The following FAM200B variants were observed in gnomAD, a reference collection of about 807,000 sequenced individuals.
FAM200B encodes protein FAM200B.
In FAM200B, 32 loss-of-function variants were observed where a neutral mutation model predicts 33.1. That is an observed-to-expected ratio of 0.97 (90% CI 0.73 to 1.30). FAM200B has a LOEUF of 1.30. Among genes scored for constraint, FAM200B ranks in the 50% most tolerant of loss-of-function variants. The pLI is 0.00. For synonymous variants in FAM200B, 240 were observed against 264.8 expected (o/e 0.91, Z 0.91); for missense variants, 741 against 754.0 (o/e 0.98, Z 0.20).
upstream of FAM200B, among the ~76,000 whole-genome samples, chr4:15,680,968 TATAA>T (rs1334534326): frequency 2.1e-5 from 3 of 146,062 alleles, no homozygotes; most frequent in Non-Finnish European, 3.0e-5. Context: ...CACATATATA[TATAA>T]ATATATATCT....
At chr4:15,658,405 A>T in the FAM200B span, among the ~76,000 whole-genome samples, 2 of 152,216 alleles carry the variant, frequency 1.3e-5, no homozygotes. Flanking sequence ...AATCCCCAAT[A>T]AGGCAGTATT....
chr4:15,657,354 G>A, the FAM200B span, among the ~76,000 whole-genome samples: 1 of 152,220 alleles, frequency 6.6e-6, no homozygotes, highest in African/African-American at 2.4e-5. Context: ...AAAAAAGAAT[G>A]AGGGTAGTTC....
At chr4:15,649,705 A>G in the FAM200B span, among the ~76,000 whole-genome samples, 115 of 152,082 alleles carry the variant, frequency 7.6e-4, no homozygotes, top group African/African-American at 2.4e-3. Context: ...CTTTATGGAG[A>G]AAAAAAACCT....
the FAM200B span, among the ~76,000 whole-genome samples, chr4:15,639,700 T>C: frequency 1.4e-4 from 21 of 152,358 alleles, no homozygotes; most frequent in Admixed American, 2.6e-4. Context: ...ACTGGCTGTA[T>C]ATTACAATGA....
the FAM200B span, among the ~76,000 whole-genome samples, chr4:15,663,574 A>C: frequency 7.5e-4 from 114 of 152,310 alleles, no homozygotes; most frequent in Admixed American, 2.0e-3. Flanking sequence ...TAAGCCACAA[A>C]ACTGTTCACT....
the FAM200B span, chr4:15,644,441 A>G: frequency 9.0e-6 from 13 of 1,449,532 alleles, no homozygotes; most frequent in East Asian, 1.1e-4. Flanking sequence ...CCAATGATAT[A>G]CCAGAAGATG....
the FAM200B span, among the ~76,000 whole-genome samples, chr4:15,654,982 C>T: frequency 6.6e-6 from 1 of 151,792 alleles, no homozygotes; most frequent in South Asian, 2.1e-4. Context: ...GCCGCCCGCC[C>T]CGAGAGCACG....
At chr4:15,651,915 G>A in the FAM200B span, among the ~76,000 whole-genome samples, 1 of 152,246 alleles carries the variant, frequency 6.6e-6, no homozygotes, top group East Asian at 1.9e-4. Context: ...GACCACTCCT[G>A]ACACTTTAAT....
the FAM200B span, among the ~76,000 whole-genome samples, chr4:15,660,431 A>T: frequency 6.6e-6 from 1 of 152,172 alleles, no homozygotes; most frequent in Non-Finnish European, 1.5e-5. Flanking sequence ...ATCCCCAATT[A>T]CACAAGACAC....
At chr4:15,654,277 C>T in the FAM200B span, among the ~76,000 whole-genome samples, 1 of 152,176 alleles carries the variant, frequency 6.6e-6, no homozygotes, top group Non-Finnish European at 1.5e-5. Context: ...CCACAAGAAA[C>T]GGGACTGCCT....
rs1718900484 is a variant in FAM200B, at chr4:15,686,912, TTTC to T, written c.-60_-58del. ...AGATGTTATTTAGACTGTATATTTT[TTTC>T]TTCTTTTTTGAGTTAGTGCCAATTA... On this transcript the variant is annotated 5_prime_UTR_variant, in exon 2 of 2. Transcript: ENST00000422728. The T allele has an allele frequency of 2.5e-5, 20 of 811,250 alleles. No individual in the cohort carries two copies. The highest frequency in any genetic ancestry group is 3.5e-4 in the Middle Eastern group (1 of 2,820). The allele number at this position is 811,250 out of a possible 1,614,324, so 50.3% of individuals were successfully genotyped here.
the FAM200B span, among the ~76,000 whole-genome samples, chr4:15,640,407 AAAAC>A: frequency 1.3e-5 from 2 of 151,628 alleles, no homozygotes; most frequent in African/African-American, 4.8e-5. Flanking sequence ...AAAAAAAAAA[AAAAC>A]ATGAAAAAAT....
the FAM200B span, among the ~76,000 whole-genome samples, chr4:15,641,964 GT>G: frequency 6.6e-6 from 1 of 151,850 alleles, no homozygotes; most frequent in African/African-American, 2.4e-5. Context: ...GAAGAAGGAG[GT>G]TGCGGTGAGC....
In FAM200B at chr4:15,687,982, C is replaced by T. The variant is rs1719045161; in HGVS notation, c.1005C>T (p.Ser335=). Residue 335 remains serine, a synonymous_variant, in exon 2 of 2, where the codon TCC becomes TCT. Transcript: ENST00000422728. Reference sequence around the variant, plus strand: ...TTATACATCGTGAAGGTTTAGCATCCAGAGAAATTCCACAGAATCTCATGG... The same window carrying T: ...TTATACATCGTGAAGGTTTAGCATCTAGAGAAATTCCACAGAATCTCATGG... ...HCFIHREGLA[S]REIPQNLMEV... The T allele has an allele frequency of 5.8e-6, 9 of 1,551,088 alleles. No homozygotes were observed. The highest frequency in any genetic ancestry group is 7.8e-6 in the Non-Finnish European group (9 of 1,146,606).
At chr4:15,652,266 CAAA>C in the FAM200B span, among the ~76,000 whole-genome samples, 9 of 151,990 alleles carry the variant, frequency 5.9e-5, no homozygotes, top group African/African-American at 2.2e-4. Context: ...AGATTGTTCC[CAAA>C]AAAGTAAGAA....
At chr4:15,684,000 G>C (rs538954824) in intron 1 of FAM200B, among the ~76,000 whole-genome samples, 2 of 152,172 alleles carry the variant, frequency 1.3e-5, no homozygotes, top group Non-Finnish European at 1.5e-5. Context: ...ATGCACCTTG[G>C]TGTATGAGAA....
the FAM200B span, among the ~76,000 whole-genome samples, chr4:15,657,485 A>G: frequency 6.6e-6 from 1 of 152,238 alleles, no homozygotes. Flanking sequence ...AGACACATTA[A>G]AAAGGTATTT....
At chr4:15,679,094 C>T (rs1355185252), upstream of FAM200B, among the ~76,000 whole-genome samples, 1 of 136,188 alleles carries the variant, frequency 7.3e-6, no homozygotes, top group Admixed American at 8.0e-5. Context: ...GAGACGGAGT[C>T]TCACTCTCAC....
chr4:15,653,532 A>T, the FAM200B span, among the ~76,000 whole-genome samples: 3 of 152,198 alleles, frequency 2.0e-5, no homozygotes, highest in Non-Finnish European at 4.4e-5. Flanking sequence ...ACACACGCAC[A>T]AAATTTTCCA....
Sources: allele counts gnomAD v4.1 joint callset (sites outside exome capture counted in the v4.1 genomes callset), GRCh38; gene constraint gnomAD v4.1.1; transcripts MANE v1.5; gene names NCBI Gene and HGNC (gene_info 2026-07-23, HGNC 2026-07-21).